PGCKA1: variants seen among roughly 807,000 people sequenced by gnomAD.
PGCKA1 encodes the protein PDCD10 and GCKIII kinases associated 1.
At chr4:37,528,257 G>C in the PGCKA1 span, among the ~76,000 whole-genome samples, 1 of 152,108 alleles carries the variant, frequency 6.6e-6, no homozygotes, top group Admixed American at 6.5e-5. Flanking sequence ...ATTTTGTGTT[G>C]TCATTCACAT....
chr4:37,499,523 T>C, the PGCKA1 span, among the ~76,000 whole-genome samples: 4 of 152,196 alleles, frequency 2.6e-5, no homozygotes, highest in Non-Finnish European at 5.9e-5. Flanking sequence ...TTCTTCCTGG[T>C]TCAGTCTTGA....
chr4:37,522,199 G>T, the PGCKA1 span, among the ~76,000 whole-genome samples: 1 of 152,202 alleles, frequency 6.6e-6, no homozygotes. Context: ...TGGGTTCAAA[G>T]GTGCCATCTG....
At chr4:37,541,465 T>C in the PGCKA1 span, among the ~76,000 whole-genome samples, 1 of 152,204 alleles carries the variant, frequency 6.6e-6, no homozygotes, top group African/African-American at 2.4e-5. Flanking sequence ...AGGGTGGTGA[T>C]GAGCAGAAAT....
chr4:37,526,785 A>G, the PGCKA1 span, among the ~76,000 whole-genome samples: 1 of 152,232 alleles, frequency 6.6e-6, no homozygotes, highest in Non-Finnish European at 1.5e-5. Context: ...GACAATGATC[A>G]TAAATGTCTG....
At chr4:37,534,688 C>T in the PGCKA1 span, among the ~76,000 whole-genome samples, 2 of 152,194 alleles carry the variant, frequency 1.3e-5, no homozygotes, top group African/African-American at 4.8e-5. Flanking sequence ...TAAATGGTGC[C>T]TTGTGACTGT....
chr4:37,565,205 G>A, the PGCKA1 span, among the ~76,000 whole-genome samples: 2,112 of 152,230 alleles, frequency 0.014, 117 homozygotes, highest in East Asian at 0.14. Flanking sequence ...TGTGCCTTCC[G>A]TTTCATTCTA....
chr4:37,574,483 C>T, the PGCKA1 span, among the ~76,000 whole-genome samples: 1 of 151,810 alleles, frequency 6.6e-6, no homozygotes, highest in African/African-American at 2.4e-5. Flanking sequence ...TTTGTGGGTA[C>T]ATGGTATATA....
At chr4:37,581,059 T>C in the PGCKA1 span, among the ~76,000 whole-genome samples, 1 of 152,010 alleles carries the variant, frequency 6.6e-6, no homozygotes, top group African/African-American at 2.4e-5. This position sits in a 1 kb window ranked among gnomAD's most constrained non-coding sequence, Gnocchi z 4.4. Context: ...CTACTGCCGA[T>C]GTTCACTTAA....
chr4:37,581,370 C>G, the PGCKA1 span, among the ~76,000 whole-genome samples: 48 of 152,142 alleles, frequency 3.2e-4, no homozygotes, highest in African/African-American at 1.1e-3. This position sits in a 1 kb window ranked among gnomAD's most constrained non-coding sequence, Gnocchi z 4.4. Context: ...ACCAGCACAT[C>G]TCAGAGTCTC....
the PGCKA1 span, among the ~76,000 whole-genome samples, chr4:37,566,517 G>C: frequency 6.6e-6 from 1 of 152,208 alleles, no homozygotes; most frequent in South Asian, 2.1e-4. Context: ...CCGACCTCAA[G>C]TGACCCACCC....
the PGCKA1 span, among the ~76,000 whole-genome samples, chr4:37,454,526 C>T: frequency 2.0e-5 from 3 of 152,158 alleles, no homozygotes; most frequent in African/African-American, 7.2e-5. Flanking sequence ...CCCTTGGGTC[C>T]CGGTATTTGC....
At chr4:37,509,459 G>C in the PGCKA1 span, among the ~76,000 whole-genome samples, 1 of 144,342 alleles carries the variant, frequency 6.9e-6, no homozygotes, top group Non-Finnish European at 1.5e-5. Flanking sequence ...GGGCAGAGAC[G>C]CTCCTCACTT....
At chr4:37,523,322 T>C in the PGCKA1 span, among the ~76,000 whole-genome samples, 46,639 of 151,858 alleles carry the variant, frequency 0.31, 8,453 homozygotes, top group African/African-American at 0.49. Context: ...TGCCCAGAGA[T>C]GCTCTCTGCA....
At chr4:37,517,992 C>T in the PGCKA1 span, among the ~76,000 whole-genome samples, 1 of 152,192 alleles carries the variant, frequency 6.6e-6, no homozygotes, top group African/African-American at 2.4e-5. Flanking sequence ...TTAGATCCCA[C>T]AAATAAGTGA....
At chr4:37,520,303 T>G in the PGCKA1 span, among the ~76,000 whole-genome samples, 5 of 152,328 alleles carry the variant, frequency 3.3e-5, no homozygotes, top group East Asian at 9.6e-4. Flanking sequence ...CCCTTCTGTA[T>G]TTTTTGGAAT....
At chr4:37,547,663 C>T in the PGCKA1 span, among the ~76,000 whole-genome samples, 1 of 152,068 alleles carries the variant, frequency 6.6e-6, no homozygotes, top group Non-Finnish European at 1.5e-5. Context: ...GACCAGTTTC[C>T]ACACATAGAC....
the PGCKA1 span, among the ~76,000 whole-genome samples, chr4:37,581,393 T>C: frequency 0.12 from 17,594 of 151,416 alleles, 2,754 homozygotes; most frequent in African/African-American, 0.35. This position sits in a 1 kb window ranked among gnomAD's most constrained non-coding sequence, Gnocchi z 4.4. Context: ...CCAAGGCCCA[T>C]AGCGTACTAC....
At chr4:37,586,909 C>CA in the PGCKA1 span, among the ~76,000 whole-genome samples, 2 of 151,976 alleles carry the variant, frequency 1.3e-5, no homozygotes, top group African/African-American at 4.8e-5. Context: ...GGCTCTGTCT[C>CA]AAAAAAACAA....
the PGCKA1 span, chr4:37,460,450 AC>A: frequency 5.5e-6 from 2 of 365,286 alleles, no homozygotes; most frequent in South Asian, 4.2e-5. Flanking sequence ...TTACATTCCC[AC>A]CACCAGTGTT....
Sources: allele counts gnomAD v4.1 joint callset (sites outside exome capture counted in the v4.1 genomes callset), GRCh38; gene constraint gnomAD v4.1.1; non-coding constraint Gnocchi (gnomAD v3.1); transcripts MANE v1.5; gene names NCBI Gene and HGNC (gene_info 2026-07-23, HGNC 2026-07-21).